The following CYP17A1 variants were observed in gnomAD, a reference collection of about 807,000 sequenced individuals.
CYP17A1 encodes the protein steroid 17-alpha-hydroxylase/17,20 lyase.
A neutral mutation model predicts 38.5 loss-of-function variants in CYP17A1; 27 were observed. That is an observed-to-expected ratio of 0.70 (90% CI 0.52 to 0.97). The LOEUF is 0.97. CYP17A1 is among the 50% of genes least tolerant of loss of function. The pLI, the probability that CYP17A1 is intolerant of heterozygous loss-of-function variation, is 0.00. For missense variants in CYP17A1, 549 were observed against 645.9 expected, an observed-to-expected ratio of 0.85 and a Z score of 1.63; for synonymous variants, 263 against 253.3, an observed-to-expected ratio of 1.04 and a Z score of -0.36.
At chr10:102,831,640 G>T in intron 6 of CYP17A1, 29 bp from the exon 7 acceptor site, 2 of 1,611,684 alleles carry the variant, frequency 1.2e-6, no homozygotes, top group Non-Finnish European at 1.7e-6. Flanking sequence ...GGAAAAGTGG[G>T]TCTGGGACTT....
At chr10:102,834,665 C>G in intron 3 of CYP17A1, 120 bp downstream of exon 3, 1 of 1,399,944 alleles carries the variant, frequency 7.1e-7, no homozygotes. Flanking sequence ...GTAGAGGTGG[C>G]GGAGGTAATC....
At chr10:102,832,893 G>C (rs983843252) in intron 5 of CYP17A1, 100 bp downstream of exon 5, 26 of 1,548,040 alleles carry the variant, frequency 1.7e-5, no homozygotes, top group Non-Finnish European at 2.3e-5. Flanking sequence ...GGCAGGCCTA[G>C]TCTTCCTGCA....
At chr10:102,831,694 G>A (rs959532346) in intron 6 of CYP17A1, 83 bp from the exon 7 acceptor site, 29 of 1,584,238 alleles carry the variant, frequency 1.8e-5, no homozygotes, top group Middle Eastern at 1.7e-4. Context: ...TCATTCTTCC[G>A]CCGTGAGGAA....
rs1844172026 is a variant in CYP17A1 at position 102,837,067 on chromosome 10, T to C, written c.295A>G (p.Met99Val). Reference protein sequence around the residue: ...KGKDFSGRPQMATLDIASNNR... With the variant: ...KGKDFSGRPQVATLDIASNNR... ...GGGAGGAGATGGGCACCACTTACCA[T>C]TTGAGGCCGCCCAGAGAAGTCCTTG... The change falls in exon 1 of 8, where the codon ATG (methionine) becomes GTG (valine). Residue 99 changes from methionine to valine, a missense_variant and splice_region_variant. Physicochemically the swap from Met to Val is conservative, Grantham distance 21. Coordinates refer to ENST00000369887, the MANE Select transcript of CYP17A1 (RefSeq NM_000102.4). The C allele has an allele frequency of 1.9e-6, 3 of 1,589,590 alleles. No individual in the cohort carries two copies. Among genetic ancestry groups the C allele is most frequent in the East Asian group, 2.2e-5 (1 of 44,772 alleles).
intron 2 of CYP17A1, 104 bp from the exon 3 acceptor site, chr10:102,835,118 C>A: frequency 1.9e-6 from 2 of 1,069,554 alleles, no homozygotes; most frequent in South Asian, 1.3e-5. Context: ...AGCAGATGGC[C>A]ACTAGATGGC....
chr10:102,835,584 C>G lies in CYP17A1; in HGVS notation c.298-192G>C, dbSNP rs911713161. ...GTAGGACAGACCCTAAGGCCTCCTA[C>G]TCCCAATTCCTTCAGAAATACAGTA... On this transcript the variant is annotated intron_variant, in intron 1 of 7. Coordinates refer to ENST00000369887, the MANE Select transcript of CYP17A1 (RefSeq NM_000102.4). The G allele has an allele frequency of 2.3e-5, 15 of 640,536 alleles. No homozygotes were observed. In the Admixed American group the frequency reaches 2.7e-4, roughly 11 times the overall value. The allele number at this position is 640,536 out of a possible 1,614,324, so 39.7% of individuals were successfully genotyped here. A position where few individuals can be genotyped will look rare whatever the true frequency, so the allele number is the denominator to read the frequency against.
intron 3 of CYP17A1, 143 bp downstream of exon 3, chr10:102,834,642 A>T: frequency 8.9e-7 from 1 of 1,121,146 alleles, no homozygotes; most frequent in Non-Finnish European, 1.3e-6. Context: ...AAAGGTTTTA[A>T]GTGGCAGAGG....
At chr10:102,833,626 T>G in intron 4 of CYP17A1, 1 of 282,214 alleles carries the variant, frequency 3.5e-6, no homozygotes, top group Non-Finnish European at 6.8e-6. Context: ...CCGGCTAATT[T>G]TGTATTTTTA....
rs374769118 is a variant in CYP17A1, at chr10:102,832,663, G to A, written c.987C>T (p.Tyr329=). 5.9e-5 allele frequency: 94 copies of A among 1,605,602 alleles called. 1 individual carries two copies. Among genetic ancestry groups the A allele is most frequent in the Admixed American group, 3.7e-4 (22 of 60,022 alleles). ...LHNPQVKKKL[Y]EEIDQNVGFS... The stretch of plus-strand genomic sequence containing the variant: ...AACCCACATTCTGGTCAATCTCCTC[G>A]TAGAGCTTCTTCTTCACCTGAAGAC... Residue 329 remains tyrosine, a synonymous_variant, in exon 6 of 8, where the codon TAC becomes TAT. Transcript: ENST00000369887.
rs752052614 is a variant in CYP17A1, at chr10:102,837,160, T to A, written c.202A>T (p.Met68Leu). 2 of 1,595,286 alleles carry A rather than the reference T, an allele frequency of 1.3e-6. No homozygotes were observed. Among genetic ancestry groups the A allele is most frequent in the South Asian group, 2.2e-5 (2 of 90,692 alleles). The stretch of plus-strand genomic sequence containing the variant: ...ACAATCACTGTAGTCTTGGTGCCCA[T>A]ACGAACCGAATAGATGGGGCCATAT... The part of the protein sequence containing the change: ...KKYGPIYSVR[M>L]GTKTTVIVGH... Residue 68 changes from methionine (M) to leucine (L), a missense_variant, in exon 1 of 8, where the codon ATG becomes TTG. Met to Leu is a conservative substitution (Grantham distance 15, BLOSUM62 2). This residue lies in a region of CYP17A1 where 289 missense variants were observed against 320.9 expected (regional missense o/e 0.90). Coordinates refer to ENST00000369887, the MANE Select transcript of CYP17A1 (RefSeq NM_000102.4).
At chr10:102,832,159 C>T (rs1339812649) in intron 6 of CYP17A1, among the ~76,000 whole-genome samples, 2 of 152,058 alleles carry the variant, frequency 1.3e-5, no homozygotes, top group African/African-American at 2.4e-5. Flanking sequence ...CTGCAACCTC[C>T]GCCGCCTTGG....
In CYP17A1 at chr10:102,835,020, G is replaced by T; in HGVS notation, c.437-6C>A. On this transcript the variant is annotated splice_region_variant and splice_polypyrimidine_tract_variant and intron_variant, in intron 2 of 7. Coordinates refer to ENST00000369887, the MANE Select transcript of CYP17A1 (RefSeq NM_000102.4). ...TGTACTGATTTCCTGACAAACTGAA[G>T]GGAGAGGGGGCATGAGGGTGGGAAA... 6.5e-7 allele frequency: 1 copy of T among 1,532,020 alleles called. No homozygotes were observed. The highest frequency in any genetic ancestry group is 9.0e-7 in the Non-Finnish European group (1 of 1,112,240). 94.9% of individuals were successfully genotyped at this position (1,532,020 alleles called of 1,614,324 possible). A position where few individuals can be genotyped will look rare whatever the true frequency, so the allele number is the denominator to read the frequency against.
chr10:102,835,588 C>T (rs1362941476), intron 1 of CYP17A1, 196 bp from the exon 2 acceptor site: 3 of 635,820 alleles, frequency 4.7e-6, no homozygotes, highest in Non-Finnish European at 8.6e-6. Context: ...CTCCTACTCC[C>T]AATTCCTTCA....
chr10:102,835,747 CT>C (rs898495849), intron 1 of CYP17A1, among the ~76,000 whole-genome samples: 5 of 152,214 alleles, frequency 3.3e-5, no homozygotes, highest in African/African-American at 1.2e-4. Flanking sequence ...GATAAACTCT[CT>C]AAACTATGCC....
chr10:102,832,545 TA>T lies in CYP17A1; in HGVS notation c.1104del (p.Met369CysfsTer50). The T allele has an allele frequency of 6.2e-7, 1 of 1,611,428 alleles. No individual in the cohort carries two copies. Among genetic ancestry groups the T allele is most frequent in the South Asian group, 1.1e-5 (1 of 90,984 alleles). On this transcript the variant is annotated frameshift_variant, in exon 6 of 8. Transcript: ENST00000369887. LOFTEE classifies it high-confidence loss of function. ...ACGTTGGCCTTGTGGGGGATGAGCA[TA>T]GGGGCCACGGGCCTGAGGCGAAGCA... is the stretch of plus-strand genomic sequence containing the variant. ...REVLRLRPVA[P>X]MLIPHKANVD... is the part of the protein sequence containing the mutation.
rs755725439 is a variant in CYP17A1, at chr10:102,834,154, C to T, written c.667-32G>A. ...AATAAAAAGAAATGTTAAATCCACC[C>T]TTCTTCCATTTTGCTTCTCCAGCTG... On this transcript the variant is annotated intron_variant, in intron 3 of 7. Transcript: ENST00000369887. The T allele has an allele frequency of 1.3e-5, 12 of 932,946 alleles. No homozygotes were observed. In the East Asian group the frequency reaches 2.9e-4, roughly 22 times the overall value. 57.8% of individuals were successfully genotyped at this position (932,946 alleles called of 1,614,324 possible). A position where few individuals can be genotyped will look rare whatever the true frequency, so the allele number is the denominator to read the frequency against.
intron 2 of CYP17A1, 104 bp downstream of exon 2, chr10:102,835,150 G>T: frequency 8.5e-7 from 1 of 1,173,218 alleles, no homozygotes; most frequent in Non-Finnish European, 1.3e-6. Flanking sequence ...AGAAAAGGCT[G>T]CATTGCGCTC....
At chr10:102,835,229 C>G in intron 2 of CYP17A1, 25 bp downstream of exon 2, 1 of 1,604,474 alleles carries the variant, frequency 6.2e-7, no homozygotes, top group South Asian at 1.1e-5. Flanking sequence ...CCAGCCCCAG[C>G]CCCAGGGGCC....
rs544961235 is a variant in CYP17A1 at position 102,833,437 on chromosome 10, C to T, written c.754-229G>A. Reference sequence around the variant, plus strand: ...GGATCCTCTTCAGTTCCTCACTTTTCGATCCCAACTCCTTGAGTCAGTTTT... The same window carrying T: ...GGATCCTCTTCAGTTCCTCACTTTTTGATCCCAACTCCTTGAGTCAGTTTT... On this transcript the variant is annotated intron_variant, in intron 4 of 7. Coordinates refer to ENST00000369887, the MANE Select transcript of CYP17A1 (RefSeq NM_000102.4). 1,022 of 654,316 alleles carry T rather than the reference C, an allele frequency of 1.6e-3. 2 individuals are homozygous for T. The highest frequency in any genetic ancestry group is 2.2e-3 in the Non-Finnish European group (925 of 413,160). The allele number at this position is 654,316 out of a possible 1,614,324, so 40.5% of individuals were successfully genotyped here.
Sources: gnomAD v4.1 joint callset for allele counts (sites outside exome capture counted in the v4.1 genomes callset) on GRCh38, gnomAD v4.1.1 for gene constraint, gnomAD v4.1.1 regional missense constraint, MANE v1.5 for transcripts, NCBI Gene and HGNC (gene_info 2026-07-23, HGNC 2026-07-21) for gene names.